Variants in C10orf71 observed in about 807,000 individuals in gnomAD.
C10orf71 encodes the protein cardiac-enriched FHL2-interacting protein.
For missense variants in C10orf71, 1,869 were observed against 1,804.5 expected (o/e 1.04, Z -0.65); for synonymous variants, 758 against 726.3 (o/e 1.04, Z -0.70).
chr10:49,307,378 T>TTCCTAGTGGAAGGGACTG (rs1470092104), intron 1 of C10orf71, among the ~76,000 whole-genome samples: 5 of 152,200 alleles, frequency 3.3e-5, no homozygotes, highest in Non-Finnish European at 7.4e-5. Flanking sequence ...CCTGAGCTCC[T>TTCCTAGTGGAAGGGACTG]TCCTAGTGGA....
chr10:49,299,719 C>T (rs1203796490), intron 1 of C10orf71, among the ~76,000 whole-genome samples: 1 of 152,246 alleles, frequency 6.6e-6, no homozygotes, highest in Non-Finnish European at 1.5e-5. Context: ...GGGATCTCTG[C>T]TCCCACATGG....
intron 1 of C10orf71, among the ~76,000 whole-genome samples, chr10:49,305,197 G>A (rs1431519286): frequency 6.6e-6 from 1 of 152,120 alleles, no homozygotes; most frequent in Non-Finnish European, 1.5e-5. Flanking sequence ...GTAAGAACCA[G>A]GAGTATGGAG....
chr10:49,305,912 C>T (rs76094871), intron 1 of C10orf71, among the ~76,000 whole-genome samples: 3,379 of 152,148 alleles, frequency 0.022, 47 homozygotes, highest in Non-Finnish European at 0.037. Context: ...TTTAAATGAA[C>T]GAATAGATTA....
At position 49,322,385 on chromosome 10, in the gene C10orf71, AC is replaced by A; in HGVS notation, c.-144-15del. The stretch of plus-strand genomic sequence containing the variant: ...GCTGTATACTTTGTTCACGCCCTGC[AC>A]CTTTTTCTTTTGCAGAGAAAAAAAA... On this transcript the variant is annotated splice_polypyrimidine_tract_variant and intron_variant, in intron 2 of 2. Coordinates refer to ENST00000374144, the MANE Select transcript of C10orf71 (RefSeq NM_001135196.2). 1 of 785,206 alleles carries A rather than the reference AC, an allele frequency of 1.3e-6. No homozygotes were observed. The allele number at this position is 785,206 out of a possible 1,614,324, so 48.6% of individuals were successfully genotyped here.
At chr10:49,308,236 A>C (rs1409232087) in intron 1 of C10orf71, among the ~76,000 whole-genome samples, 2 of 152,196 alleles carry the variant, frequency 1.3e-5, no homozygotes, top group Non-Finnish European at 2.9e-5. Context: ...ACCTGCTACA[A>C]GATTTAGAGG....
chr10:49,302,926 A>G (rs907447422), intron 1 of C10orf71, among the ~76,000 whole-genome samples: 2 of 152,158 alleles, frequency 1.3e-5, no homozygotes, highest in Non-Finnish European at 2.9e-5. Flanking sequence ...AGCCCCCTGG[A>G]CCTCAGCTTT....
chr10:49,306,996 C>T (rs1848825720), intron 1 of C10orf71, among the ~76,000 whole-genome samples: 1 of 152,234 alleles, frequency 6.6e-6, no homozygotes, highest in Non-Finnish European at 1.5e-5. Context: ...ACCCTGCTTT[C>T]TCCCAAAATC....
intron 2 of C10orf71, among the ~76,000 whole-genome samples, chr10:49,322,165 C>T (rs1849104255): frequency 6.6e-6 from 1 of 152,184 alleles, no homozygotes; most frequent in Non-Finnish European, 1.5e-5. Flanking sequence ...TGAGGGCCAC[C>T]TGCCTTATAG....
chr10:49,304,495 C>T (rs1176258836), intron 1 of C10orf71, among the ~76,000 whole-genome samples: 1 of 152,216 alleles, frequency 6.6e-6, no homozygotes, highest in Non-Finnish European at 1.5e-5. Flanking sequence ...CTGGGACTAC[C>T]AGGGGGCTAA....
Position 49,322,851 on chromosome 10 carries a change from A to C in C10orf71, c.306A>C (p.Leu102=). 1 of 1,613,908 alleles carries C rather than the reference A, an allele frequency of 6.2e-7. No homozygotes were observed. Among genetic ancestry groups the C allele is most frequent in the African/African-American group, 1.3e-5 (1 of 74,994 alleles). Residue 102 remains leucine, a synonymous_variant, in exon 3 of 3, where the codon CTA becomes CTC. Transcript: ENST00000374144. The stretch of plus-strand genomic sequence containing the variant: ...GCTGGGCGGCCACCTTCCAACAGCT[A>C]CCCAAGTACGTTCAGGGAGAGGAAA... ...HSGWAATFQQ[L]PKYVQGEEKY...
At chr10:49,319,024 A>G (rs553936232) in intron 2 of C10orf71, among the ~76,000 whole-genome samples, 17 of 152,340 alleles carry the variant, frequency 1.1e-4, no homozygotes, top group South Asian at 4.1e-4. Context: ...TAGCCTGCTC[A>G]GCTCTGCTGC....
At chr10:49,299,539 T>C (rs1233171191) in intron 1 of C10orf71, 1 of 152,956 alleles carries the variant, frequency 6.5e-6, no homozygotes, top group Non-Finnish European at 1.5e-5. Flanking sequence ...GCTGGGCCGA[T>C]GCTGTGCTGG....
chr10:49,299,918 G>A (rs543783181), intron 1 of C10orf71, among the ~76,000 whole-genome samples: 41 of 152,314 alleles, frequency 2.7e-4, no homozygotes, highest in Admixed American at 5.9e-4. Context: ...TGGGCTCTGC[G>A]AGCATGTGTG....
intron 2 of C10orf71, among the ~76,000 whole-genome samples, chr10:49,318,362 C>T (rs10857466): frequency 0.1 from 15,453 of 152,278 alleles, 876 homozygotes; most frequent in Middle Eastern, 0.15. Context: ...CTCCCCAACC[C>T]ATCACGTGGG....
At chr10:49,318,153 GGAA>G (rs2132422577) in intron 2 of C10orf71, among the ~76,000 whole-genome samples, 1 of 152,350 alleles carries the variant, frequency 6.6e-6, no homozygotes, top group South Asian at 2.1e-4. Flanking sequence ...ATTCAAGGCA[GGAA>G]GAAGAGCACT....
chr10:49,323,504 G>A lies in C10orf71; in HGVS notation c.959G>A (p.Arg320His), dbSNP rs56206226. ...CTAAGAGAACCCTGTCCTCCTGAGC[G>A]CACAGTCTCTCCCTGCCAGGTCCAG... is the stretch of plus-strand genomic sequence containing the variant. ...TLLREPCPPE[R>H]TVSPCQVQAS... The change falls in exon 3 of 3, where the codon CGC becomes CAC. Residue 320 changes from arginine to histidine, a missense_variant. By Grantham distance (29) the Arg-to-His change is conservative. Coordinates refer to ENST00000374144, the MANE Select transcript of C10orf71 (RefSeq NM_001135196.2). 36 of 1,612,610 alleles carry A rather than the reference G, an allele frequency of 2.2e-5. No homozygotes were observed. The highest frequency in any genetic ancestry group is 5.0e-5 in the Admixed American group (3 of 59,956).
rs143956648 is a variant in C10orf71, at chr10:49,301,749, A to G, written c.-248+2516A>G. Among the ~76,000 whole-genome samples, 4 of 152,354 alleles carry G rather than the reference A, an allele frequency of 2.6e-5. No individual in the cohort carries two copies. In the East Asian group the frequency reaches 7.7e-4, roughly 29 times the overall value. On this transcript the variant is annotated intron_variant, in intron 1 of 2. Coordinates refer to ENST00000374144, the MANE Select transcript of C10orf71 (RefSeq NM_001135196.2). ...AAGCCCAGGTCAGACAGCCTGGGGA[A>G]AGTCTGACAGAAAGAAAATCCCAAC... is the stretch of plus-strand genomic sequence containing the variant.
rs1484560930 is a variant in C10orf71 at position 49,323,545 on chromosome 10, G to C, written c.1000G>C (p.Glu334Gln). 3 of 1,609,474 alleles carry C rather than the reference G, an allele frequency of 1.9e-6. No individual in the cohort carries two copies. The African/African-American group carries it at 4.0e-5, about 22-fold the overall frequency. The change falls in exon 3 of 3, where the codon GAA (glutamate) becomes CAA (glutamine). Residue 334 changes from glutamate (E) to glutamine (Q), a missense_variant. Glu to Gln is a conservative substitution (Grantham distance 29). Transcript: ENST00000374144. The part of the protein sequence containing the change: ...PCQVQASCSQ[E>Q]ENRLAAGALS... ...CCAGGTCCAGGCCAGCTGCAGTCAG[G>C]AAGAGAACAGACTTGCAGCAGGGGC...
At chr10:49,300,062 T>C (rs927098839) in intron 1 of C10orf71, among the ~76,000 whole-genome samples, 1 of 152,222 alleles carries the variant, frequency 6.6e-6, no homozygotes. Flanking sequence ...GAATTGAACA[T>C]TGAGAACGGC....
Sources: gnomAD v4.1 joint callset for allele counts (sites outside exome capture counted in the v4.1 genomes callset) on GRCh38, gnomAD v4.1.1 for gene constraint, MANE v1.5 for transcripts, NCBI Gene and HGNC (gene_info 2026-07-23, HGNC 2026-07-21) for gene names.